The following MAGI1 variants were observed in gnomAD, a reference collection of about 807,000 sequenced individuals.
MAGI1 encodes membrane-associated guanylate kinase, WW and PDZ domain-containing protein 1.
In MAGI1, 58 loss-of-function variants were observed where a neutral mutation model predicts 139.9. The ratio of observed to expected loss-of-function variants is 0.41; its 90% CI spans 0.34 to 0.52. MAGI1 has a LOEUF of 0.52. Among genes scored for constraint, MAGI1 ranks in the 20% least tolerant of loss-of-function variants. The pLI is 0.12. For missense variants in MAGI1, 1,874 were observed against 1,901.6 expected (o/e 0.99, Z 0.27); for synonymous variants, 812 against 737.9 (o/e 1.10, Z -1.63).
chr3:66,011,845 A>AC (rs1294203265), intron 1 of MAGI1, among the ~76,000 whole-genome samples: 22 of 152,130 alleles, frequency 1.4e-4, no homozygotes, highest in African/African-American at 5.3e-4. Flanking sequence ...CCAAAAAAAA[A>AC]AAAAAAAACT....
intron 1 of MAGI1, among the ~76,000 whole-genome samples, chr3:65,853,438 T>G (rs770109485): frequency 6.6e-6 from 1 of 152,236 alleles, no homozygotes; most frequent in Non-Finnish European, 1.5e-5. Flanking sequence ...TACTTTGTGC[T>G]GACGAAATTT....
intron 1 of MAGI1, among the ~76,000 whole-genome samples, chr3:65,753,093 G>A (rs2036281427): frequency 6.6e-6 from 1 of 152,100 alleles, no homozygotes; most frequent in South Asian, 2.1e-4. Context: ...GAGAAATAGG[G>A]AAAGAAGGAG....
At chr3:65,893,658 T>C (rs2060855726) in intron 1 of MAGI1, among the ~76,000 whole-genome samples, 1 of 152,206 alleles carries the variant, frequency 6.6e-6, no homozygotes, top group African/African-American at 2.4e-5. Flanking sequence ...AAAGACAGTA[T>C]GCAAAATTAG....
At chr3:65,592,932 A>G (rs1387770310) in intron 2 of MAGI1, among the ~76,000 whole-genome samples, 1 of 152,168 alleles carries the variant, frequency 6.6e-6, no homozygotes, top group Admixed American at 6.5e-5. Context: ...AATACAAGCT[A>G]CAGGAGGGCA....
At chr3:65,458,795 C>G (rs1227676558) in intron 5 of MAGI1, among the ~76,000 whole-genome samples, 2 of 152,102 alleles carry the variant, frequency 1.3e-5, no homozygotes, top group Non-Finnish European at 2.9e-5. Context: ...TGTGCAGAAG[C>G]TTTTTAACTT....
At chr3:65,843,905 C>G (rs1285403565) in intron 1 of MAGI1, 1 of 211,926 alleles carries the variant, frequency 4.7e-6, no homozygotes, top group African/African-American at 2.3e-5. Context: ...TCACCATTCT[C>G]TTGACCCAGA....
At chr3:65,477,437 G>A (rs936440859) in intron 4 of MAGI1, among the ~76,000 whole-genome samples, 2 of 152,080 alleles carry the variant, frequency 1.3e-5, no homozygotes, top group African/African-American at 4.8e-5. Flanking sequence ...GGCCACTATG[G>A]GAGAGGATAA....
In MAGI1 at chr3:65,542,324, C is replaced by T. The variant is rs776776386; in HGVS notation, c.431-48693G>A. On this transcript the variant is annotated intron_variant, in intron 2 of 22. Coordinates refer to ENST00000402939, the MANE Select transcript of MAGI1 (RefSeq NM_001033057.2). ...GCTCATGGATAGGAAGAGTCAATAT[C>T]GTGAAAATGGCCATACTTTTCAAAG... Among the ~76,000 whole-genome samples the T allele has an allele frequency of 1.1e-4, 17 of 152,236 alleles. 1 individual carries two copies. The highest frequency in any genetic ancestry group is 9.7e-4 in the East Asian group (5 of 5,178).
intron 2 of MAGI1, among the ~76,000 whole-genome samples, chr3:65,503,377 C>A (rs962692486): frequency 6.6e-6 from 1 of 152,194 alleles, no homozygotes. Context: ...CTCAGGGCAA[C>A]ATAAATGGAT....
chr3:65,617,648 A>T (rs1235373575), intron 2 of MAGI1, among the ~76,000 whole-genome samples: 2 of 152,134 alleles, frequency 1.3e-5, no homozygotes, highest in Non-Finnish European at 2.9e-5. Context: ...TAATTAGTGA[A>T]GTCCTTATCA....
chr3:65,598,767 G>A (rs1173291002), intron 2 of MAGI1, among the ~76,000 whole-genome samples: 1 of 152,132 alleles, frequency 6.6e-6, no homozygotes, highest in East Asian at 1.9e-4. Flanking sequence ...GCAGATGGTT[G>A]GCAAAGCTGC....
chr3:65,436,246 C>A (rs1178386232), intron 10 of MAGI1, among the ~76,000 whole-genome samples: 1 of 150,626 alleles, frequency 6.6e-6, no homozygotes, highest in Non-Finnish European at 1.5e-5. Flanking sequence ...ATATGTAACA[C>A]AATTAAATCT....
intron 1 of MAGI1, among the ~76,000 whole-genome samples, chr3:66,000,909 A>T (rs2066706101): frequency 6.6e-6 from 1 of 152,222 alleles, no homozygotes; most frequent in Non-Finnish European, 1.5e-5. Flanking sequence ...TCATTTAGTC[A>T]TCCCAATGAC....
chr3:65,726,353 T>C (rs1248334131), intron 1 of MAGI1, among the ~76,000 whole-genome samples: 1 of 152,194 alleles, frequency 6.6e-6, no homozygotes, highest in East Asian at 1.9e-4. Flanking sequence ...GCATACAGGA[T>C]GCTAACCATT....
chr3:65,793,395 C>G (rs1052027043), intron 1 of MAGI1, among the ~76,000 whole-genome samples: 2 of 152,148 alleles, frequency 1.3e-5, no homozygotes, highest in Non-Finnish European at 2.9e-5. Context: ...GCAATTAAAC[C>G]AATTACTTTC....
At chr3:65,670,153 AG>A (rs1213247443) in intron 1 of MAGI1, among the ~76,000 whole-genome samples, 1 of 152,264 alleles carries the variant, frequency 6.6e-6, no homozygotes, top group East Asian at 1.9e-4. Context: ...CATCATTCTT[AG>A]TACCTGAAAC....
intron 12 of MAGI1, among the ~76,000 whole-genome samples, chr3:65,408,428 C>T (rs1945527034): frequency 6.6e-6 from 1 of 152,112 alleles, no homozygotes; most frequent in African/African-American, 2.4e-5. Context: ...CCTCCTAGGC[C>T]ATGCTTTTAT....
intron 2 of MAGI1, among the ~76,000 whole-genome samples, chr3:65,611,423 A>G (rs1039229831): frequency 9.6e-5 from 14 of 145,214 alleles, no homozygotes; most frequent in African/African-American, 3.2e-4. Flanking sequence ...GTATGTATGT[A>G]TACTGTATAT....
chr3:65,766,917 G>T (rs1023082977), intron 1 of MAGI1, among the ~76,000 whole-genome samples: 5 of 152,068 alleles, frequency 3.3e-5, no homozygotes, highest in African/African-American at 1.2e-4. Flanking sequence ...CAGAATAAGA[G>T]AAAGCACACT....
Sources: allele counts gnomAD v4.1 joint callset (sites outside exome capture counted in the v4.1 genomes callset), GRCh38; gene constraint gnomAD v4.1.1; transcripts MANE v1.5; gene names NCBI Gene and HGNC (gene_info 2026-07-23, HGNC 2026-07-21).